RPTOR: variants seen among roughly 807,000 people sequenced by gnomAD.
RPTOR encodes the protein regulatory associated protein of MTOR complex 1, also known as regulatory-associated protein of mTOR.
A neutral mutation model predicts 169.9 loss-of-function variants in RPTOR; 21 were observed. The observed-to-expected ratio is 0.12, with a 90% confidence interval of 0.09 to 0.18. The LOEUF (loss-of-function observed/expected upper bound fraction) is 0.18. Among genes scored for constraint, RPTOR ranks in the 10% least tolerant of loss-of-function variants. The pLI, the probability that RPTOR is intolerant of heterozygous loss-of-function variation, is 1.00. For missense variants in RPTOR, 1,133 were observed against 1,855.9 expected (o/e 0.61, Z 7.16); for synonymous variants, 732 against 753.2 (o/e 0.97, Z 0.46).
rs994005955 is a variant in RPTOR at position 80,959,484 on chromosome 17, G to A, written c.3478-594G>A. On this transcript the variant is annotated intron_variant, in intron 29 of 33. Coordinates refer to ENST00000306801, the MANE Select transcript of RPTOR (RefSeq NM_020761.3). This position sits in a 1 kb window ranked among gnomAD's most constrained non-coding sequence, Gnocchi z 6.7. ...GTTTCCTCCTGGAGTGCACAACCCAGCACCGCCCATCGTGCGTGGAAAGCG... is the reference window on the plus strand; with the variant it reads ...GTTTCCTCCTGGAGTGCACAACCCAACACCGCCCATCGTGCGTGGAAAGCG... Among the ~76,000 whole-genome samples, 2 of 152,126 alleles carry A rather than the reference G, an allele frequency of 1.3e-5. No individual in the cohort carries two copies. Among genetic ancestry groups the A allele is most frequent in the Non-Finnish European group, 2.9e-5 (2 of 68,000 alleles).
In RPTOR at chr17:80,609,149, C is replaced by T. The variant is rs1286039188; in HGVS notation, c.163-16542C>T. Among the ~76,000 whole-genome samples, 1 of 152,094 alleles carries T rather than the reference C, an allele frequency of 6.6e-6. No homozygotes were observed. Among genetic ancestry groups the T allele is most frequent in the Non-Finnish European group, 1.5e-5 (1 of 68,016 alleles). On this transcript the variant is annotated intron_variant, in intron 1 of 33. Transcript: ENST00000306801. The surrounding 1 kb of genome is among the most constrained non-coding windows in gnomAD (Gnocchi z 4.8). ...TGGAGAGGGCATCACTAGCCTGCCTCGGGCTGCAGGGGGCGGGGAGCACAT... is the reference window on the plus strand; with the variant it reads ...TGGAGAGGGCATCACTAGCCTGCCTTGGGCTGCAGGGGGCGGGGAGCACAT...
intron 26 of RPTOR, among the ~76,000 whole-genome samples, chr17:80,946,649 A>C (rs1444809807): frequency 6.6e-6 from 1 of 152,254 alleles, no homozygotes. Flanking sequence ...ACAGCACGTC[A>C]GAATTTCCTT....
rs138336550 is a variant in RPTOR at position 80,596,228 on chromosome 17, T to C, written c.163-29463T>C. Among the ~76,000 whole-genome samples, 43 of 152,356 alleles carry C rather than the reference T, an allele frequency of 2.8e-4. No homozygotes were observed. The East Asian group carries it at 7.3e-3, about 26-fold the overall frequency. On this transcript the variant is annotated intron_variant, in intron 1 of 33. Coordinates refer to ENST00000306801, the MANE Select transcript of RPTOR (RefSeq NM_020761.3). Reference sequence around the variant, plus strand: ...CATGCTCACATTTTCCTGGTTGAGATTGGAACCAATAAGTAAAGAAAATTG... The same window carrying C: ...CATGCTCACATTTTCCTGGTTGAGACTGGAACCAATAAGTAAAGAAAATTG...
intron 4 of RPTOR, among the ~76,000 whole-genome samples, chr17:80,716,676 A>G (rs2066241942): frequency 6.6e-6 from 1 of 152,070 alleles, no homozygotes; most frequent in African/African-American, 2.4e-5. Context: ...TTCCAATGTT[A>G]TCTTCTAGAA....
At chr17:80,587,419 A>G (rs1200759808) in intron 1 of RPTOR, among the ~76,000 whole-genome samples, 3 of 152,144 alleles carry the variant, frequency 2.0e-5, no homozygotes, top group African/African-American at 7.2e-5. Flanking sequence ...TGGGTTGCCC[A>G]GTGTGTGTGT....
intron 15 of RPTOR, 46 bp downstream of exon 15, chr17:80,883,530 T>C (rs2068209003): frequency 6.3e-7 from 1 of 1,587,808 alleles, no homozygotes; most frequent in African/African-American, 1.3e-5. Context: ...CCCTTGGCAT[T>C]GCAGAGGAGC....
chr17:80,911,342 A>C (rs912819496), intron 21 of RPTOR, among the ~76,000 whole-genome samples: 4 of 152,254 alleles, frequency 2.6e-5, no homozygotes, highest in African/African-American at 9.6e-5. Flanking sequence ...ATCCCCAGGC[A>C]GCAGGCCATC....
Position 80,665,440 on chromosome 17 carries a change from T to TG in RPTOR, c.348+21630_348+21631insG, listed in dbSNP as rs1567846397. 1.5e-4 allele frequency among the ~76,000 whole-genome samples: 3 copies of TG among 19,696 alleles called. No homozygotes were observed. In the African/African-American group the frequency reaches 1.6e-3, roughly 11 times the overall value. 12.9% of individuals were successfully genotyped at this position (19,696 alleles called of 152,430 possible). ...TTCCTTTCCTTTCCTTTCCTTTCCT[T>TG]TCCTTTCCTTTCCTTTCCTTTCCTT... On this transcript the variant is annotated intron_variant, in intron 3 of 33. Transcript: ENST00000306801.
rs766132128 is a variant in RPTOR at position 80,837,966 on chromosome 17, C to T, written c.1181C>T (p.Pro394Leu). ...LAVDICLSQL[P>L]TIIEEGTAFR... ...GTTGACATCTGTCTGTCTCAGCTGC[C>T]GACGATCATCGAGGAAGGCACTGCG... The change falls in exon 10 of 34, where the codon CCG (proline) becomes CTG (leucine). Residue 394 changes from proline (P) to leucine (L), a missense_variant. Pro to Leu is a moderately conservative substitution (Grantham distance 98). This residue lies in a region of RPTOR where 289 missense variants were observed against 585.8 expected (regional missense o/e 0.49). Coordinates refer to ENST00000306801, the MANE Select transcript of RPTOR (RefSeq NM_020761.3). 5 of 1,611,942 alleles carry T rather than the reference C, an allele frequency of 3.1e-6. No homozygotes were observed. The highest frequency in any genetic ancestry group is 4.2e-6 in the Non-Finnish European group (5 of 1,179,092).
At chr17:80,552,808 G>C (rs1359799700) in intron 1 of RPTOR, among the ~76,000 whole-genome samples, 1 of 152,202 alleles carries the variant, frequency 6.6e-6, no homozygotes, top group Admixed American at 6.5e-5. Flanking sequence ...GAGAAACAAA[G>C]TTTAGTTCAA....
chr17:80,634,342 GTGTGCATGTGCGTAC>G (rs2065472916), intron 2 of RPTOR, among the ~76,000 whole-genome samples: 1 of 75,386 alleles, frequency 1.3e-5, no homozygotes, highest in African/African-American at 7.4e-5. Context: ...TGTGCGTACT[GTGTGCATGTGCGTAC>G]TGTGTGTGCA....
intron 14 of RPTOR, among the ~76,000 whole-genome samples, chr17:80,883,113 A>G (rs2068204165): frequency 6.6e-6 from 1 of 152,154 alleles, no homozygotes; most frequent in Non-Finnish European, 1.5e-5. Flanking sequence ...CGGGTGCTTC[A>G]TACCGACAGC....
At position 80,545,764 on chromosome 17, in the gene RPTOR, A is replaced by G. The variant is rs1453701376; in HGVS notation, c.135A>G (p.Leu45=). 2 of 1,613,094 alleles carry G rather than the reference A, an allele frequency of 1.2e-6. No individual in the cohort carries two copies. Among genetic ancestry groups the G allele is most frequent in the African/African-American group, 1.3e-5 (1 of 74,850 alleles). Residue 45 remains leucine, a synonymous_variant, in exon 1 of 34, where the codon TTA becomes TTG. Coordinates refer to ENST00000306801, the MANE Select transcript of RPTOR (RefSeq NM_020761.3). ...HCEKIEGSKS[L]AQSWRMKDRM... ...AGAAAATTGAAGGCTCCAAATCCTT[A>G]GCTCAGAGCTGGAGGATGAAGGATC... is the stretch of plus-strand genomic sequence containing the variant.
At chr17:80,586,449 A>G (rs1047079587) in intron 1 of RPTOR, among the ~76,000 whole-genome samples, 1 of 152,208 alleles carries the variant, frequency 6.6e-6, no homozygotes, top group Non-Finnish European at 1.5e-5. Flanking sequence ...ATTTGGCCAA[A>G]AATTCAACAC....
chr17:80,951,730 A>C, intron 28 of RPTOR, among the ~76,000 whole-genome samples: 1 of 152,198 alleles, frequency 6.6e-6, no homozygotes, highest in East Asian at 1.9e-4. Context: ...ATACCCCTCC[A>C]TGGCAGGACG....
Position 80,936,077 on chromosome 17 carries a change from T to C in RPTOR, c.2920-4419T>C, listed in dbSNP as rs1598410710. On this transcript the variant is annotated intron_variant, in intron 24 of 33. Transcript: ENST00000306801. The surrounding 1 kb of genome is among the most constrained non-coding windows in gnomAD (Gnocchi z 4.1). Reference sequence around the variant, plus strand: ...TACAGACACCCCACCAAAGAAGATATACAGGTGGCAAATAAGGACATGGAA... The same window carrying C: ...TACAGACACCCCACCAAAGAAGATACACAGGTGGCAAATAAGGACATGGAA... Among the ~76,000 whole-genome samples, 1 of 152,066 alleles carries C rather than the reference T, an allele frequency of 6.6e-6. No homozygotes were observed. The highest frequency in any genetic ancestry group is 2.4e-5 in the African/African-American group (1 of 41,390).
In RPTOR at chr17:80,866,867, C is replaced by G. The variant is rs191357793; in HGVS notation, c.1509+8967C>G. ...AGTGCTGGGATTAAAGCCTGAGTCA[C>G]TGTGCCTGTCACTACAAGTGGAATT... On this transcript the variant is annotated intron_variant, in intron 13 of 33. Transcript: ENST00000306801. Among the ~76,000 whole-genome samples the G allele has an allele frequency of 4.3e-3, 654 of 152,248 alleles. 2 individuals carry two copies. The highest frequency in any genetic ancestry group is 0.034 in the Middle Eastern group (10 of 294).
intron 2 of RPTOR, among the ~76,000 whole-genome samples, chr17:80,641,450 C>T (rs971408255): frequency 2.6e-5 from 4 of 152,278 alleles, no homozygotes; most frequent in Non-Finnish European, 5.9e-5. Context: ...ATCTTATTAA[C>T]GTCATGATTT....
chr17:80,644,048 G>C (rs2065573770), intron 3 of RPTOR, among the ~76,000 whole-genome samples: 1 of 152,176 alleles, frequency 6.6e-6, no homozygotes, highest in Admixed American at 6.5e-5. Flanking sequence ...AACTTATTTT[G>C]CTTAAGTTTG....
Sources: gnomAD v4.1 joint callset for allele counts (sites outside exome capture counted in the v4.1 genomes callset) on GRCh38, gnomAD v4.1.1 for gene constraint, gnomAD v4.1.1 regional missense constraint, Gnocchi (gnomAD v3.1) non-coding constraint, MANE v1.5 for transcripts, NCBI Gene and HGNC (gene_info 2026-07-23, HGNC 2026-07-21) for gene names.